Variants in ZNF534 observed in about 807,000 individuals in gnomAD.
ZNF534 encodes the protein zinc finger protein 534.
ZNF534 carries 19 observed loss-of-function variants against 13.6 expected under a neutral mutation model. The observed-to-expected ratio is 1.40, with a 90% CI of 0.97 to 2.05. ZNF534 has a LOEUF of 2.05. Among genes scored for constraint, ZNF534 ranks in the 30% most tolerant of loss-of-function variants. The pLI, the probability that ZNF534 is intolerant of heterozygous loss-of-function variation, is 0.00. For missense variants in ZNF534, 782 were observed against 796.3 expected (o/e 0.98, Z 0.22); for synonymous variants, 244 against 273.8 (o/e 0.89, Z 1.07).
At chr19:52,435,928 T>G (rs755857382) in intron 4 of ZNF534, among the ~76,000 whole-genome samples, 1 of 6,300 alleles carries the variant, frequency 1.6e-4, no homozygotes, top group East Asian at 1.5e-3. Flanking sequence ...TTTCTTATTT[T>G]TCTTCTTCTT....
intron 4 of ZNF534, among the ~76,000 whole-genome samples, chr19:52,449,537 TTA>T (rs1011869199): frequency 1.3e-4 from 3 of 23,464 alleles, no homozygotes; most frequent in South Asian, 8.5e-4. Flanking sequence ...CCAGCATTTG[TTA>T]TTTTTTTTTG....
rs1178981632 is a variant in ZNF534, at chr19:52,440,412, C to A, written c.*966C>A. On this transcript the variant is annotated 3_prime_UTR_variant, in exon 5 of 5. Coordinates refer to ENST00000433050, the MANE Select transcript of ZNF534 (RefSeq NM_001143938.3). ...ACATCTGGCACAACATTGGAAAATTCATACTGTAGATACCTTTTAAATGTA... is the reference window on the plus strand; with the variant it reads ...ACATCTGGCACAACATTGGAAAATTAATACTGTAGATACCTTTTAAATGTA... Among the ~76,000 whole-genome samples the A allele has an allele frequency of 1.3e-5, 2 of 152,202 alleles. No individual in the cohort carries two copies. The highest frequency in any genetic ancestry group is 6.5e-5 in the Admixed American group (1 of 15,274).
chr19:52,447,182 A>G (rs574845231), downstream of ZNF534, among the ~76,000 whole-genome samples: 27 of 152,126 alleles, frequency 1.8e-4, no homozygotes, highest in Non-Finnish European at 2.4e-4. Flanking sequence ...ACAAAATGTC[A>G]TCTCAAGATC....
In ZNF534 at chr19:52,439,772, AAAAAT is replaced by A. The variant is rs1030763900; in HGVS notation, c.*327_*331del. 7.2e-5 allele frequency among the ~76,000 whole-genome samples: 11 copies of A among 151,960 alleles called. No homozygotes were observed. Among genetic ancestry groups the A allele is most frequent in the Non-Finnish European group, 1.6e-4 (11 of 68,008 alleles). ...ACTCCATCTCAAAAAAAGAAAAAAA[AAAAAT>A]GAGTGAAGCTGCCAAGCATGGTGGC... On this transcript the variant is annotated 3_prime_UTR_variant, in exon 5 of 5. Transcript: ENST00000433050.
At position 52,437,989 on chromosome 19, in the gene ZNF534, CAG is replaced by C. The variant is rs765771500; in HGVS notation, c.531_532del (p.Lys178SerfsTer4). The C allele has an allele frequency of 1.9e-6, 3 of 1,614,078 alleles. No individual in the cohort carries two copies. ...TTTTTCTACATTACTCCCACAAGAA[CAG>C]AAAGTACACATTAGGGAAAAGCCTT... is the stretch of plus-strand genomic sequence containing the variant. ...FLFSTLLPQE[Q>X]KVHIREKPYG... On this transcript the variant is annotated frameshift_variant, in exon 5 of 5. Transcript: ENST00000433050. LOFTEE classifies it low-confidence loss of function (END_TRUNC).
At chr19:52,449,084 G>A (rs2059203877) in intron 4 of ZNF534, among the ~76,000 whole-genome samples, 2 of 152,008 alleles carry the variant, frequency 1.3e-5, no homozygotes, top group South Asian at 4.2e-4. Flanking sequence ...TCCCACATAC[G>A]AGTGAGAGTA....
At position 52,440,886 on chromosome 19, in the gene ZNF534, A is replaced by G. The variant is rs1290009959; in HGVS notation, c.*1440A>G. Reference sequence around the variant, plus strand: ...CTTAACTGTTCATTTTGTAATCCATAGTGGAGATAAGTCTTTTTTTTTTTT... The same window carrying G: ...CTTAACTGTTCATTTTGTAATCCATGGTGGAGATAAGTCTTTTTTTTTTTT... On this transcript the variant is annotated 3_prime_UTR_variant, in exon 5 of 5. Coordinates refer to ENST00000433050, the MANE Select transcript of ZNF534 (RefSeq NM_001143938.3). Among the ~76,000 whole-genome samples, 1 of 151,226 alleles carries G rather than the reference A, an allele frequency of 6.6e-6. No homozygotes were observed. The highest frequency in any genetic ancestry group is 1.5e-5 in the Non-Finnish European group (1 of 67,838).
rs1033587934 is a variant in ZNF534, at chr19:52,438,207, A to T, written c.747A>T (p.Lys249Asn). Residue 249 changes from lysine to asparagine, a missense_variant, in exon 5 of 5, where the codon AAA (lysine) becomes AAT (asparagine). This residue lies in a region of ZNF534 where 591 missense variants were observed against 574.0 expected (regional missense o/e 1.03). Transcript: ENST00000433050. The part of the protein sequence containing the change: ...EKPYKYNECG[K>N]VFNQNSHLAQ... The stretch of plus-strand genomic sequence containing the variant: ...CTTACAAATATAATGAATGTGGCAA[A>T]GTCTTCAATCAGAATTCACACCTTG... 1 of 1,613,810 alleles carries T rather than the reference A, an allele frequency of 6.2e-7. No homozygotes were observed. The highest frequency in any genetic ancestry group is 1.3e-5 in the African/African-American group (1 of 74,970).
chr19:52,451,629 T>C lies in ZNF534; in HGVS notation c.*132T>C. 5 of 646,670 alleles carry C rather than the reference T, an allele frequency of 7.7e-6. No homozygotes were observed. The Admixed American group carries it at 9.8e-5, about 13-fold the overall frequency. 40.1% of individuals were successfully genotyped at this position (646,670 alleles called of 1,614,324 possible). Reference sequence around the variant, plus strand: ...GCCTGTGATTACACACCACCACCTATGGAGAAGGCTCTTGTGAAAACGGAC... The same window carrying C: ...GCCTGTGATTACACACCACCACCTACGGAGAAGGCTCTTGTGAAAACGGAC... On this transcript the variant is annotated 3_prime_UTR_variant, in exon 5 of 5. Transcript: ENST00000301085.
intron 4 of ZNF534, among the ~76,000 whole-genome samples, chr19:52,449,181 G>A (rs2059204260): frequency 6.6e-6 from 1 of 152,082 alleles, no homozygotes; most frequent in Non-Finnish European, 1.5e-5. Context: ...CAAATGACAA[G>A]ATTTTATTCT....
intron 4 of ZNF534, among the ~76,000 whole-genome samples, chr19:52,447,608 T>C (rs2059198892): frequency 6.6e-6 from 1 of 151,700 alleles, no homozygotes; most frequent in South Asian, 2.1e-4. Flanking sequence ...GTTGTGTTTT[T>C]TTCTGCCTCT....
At chr19:52,437,106 A>G (rs2059133302) in intron 4 of ZNF534, among the ~76,000 whole-genome samples, 1 of 152,096 alleles carries the variant, frequency 6.6e-6, no homozygotes, top group African/African-American at 2.4e-5. Flanking sequence ...TTGTGAAAGT[A>G]CTATTACAAA....
chr19:52,438,060 C>G lies in ZNF534; in HGVS notation c.600C>G (p.Ser200Arg). The stretch of plus-strand genomic sequence containing the variant: ...GGAAAGTCTTCAGAGTGTCTTCAAG[C>G]CTTACTAACCGTCAAGTAATCCACA... ...EHGKVFRVSSSLTNRQVIHIA... is the reference protein window; with the variant it reads ...EHGKVFRVSSRLTNRQVIHIA... The change falls in exon 5 of 5, where the codon AGC (serine) becomes AGG (arginine). Residue 200 changes from serine to arginine, a missense_variant. Ser to Arg is a moderately radical substitution (Grantham distance 110). Coordinates refer to ENST00000433050, the MANE Select transcript of ZNF534 (RefSeq NM_001143938.3). 6.2e-7 allele frequency: 1 copy of G among 1,614,130 alleles called. No individual in the cohort carries two copies. Among genetic ancestry groups the G allele is most frequent in the African/African-American group, 1.3e-5 (1 of 75,034 alleles).
At chr19:52,446,819 T>C (rs1299888434), downstream of ZNF534, among the ~76,000 whole-genome samples, 3 of 152,148 alleles carry the variant, frequency 2.0e-5, no homozygotes, top group East Asian at 3.9e-4. Flanking sequence ...GATTGCACCA[T>C]TGTACTCCAG....
chr19:52,438,725 G>T lies in ZNF534; in HGVS notation c.1265G>T (p.Cys422Phe), dbSNP rs376112270. 4 of 1,590,478 alleles carry T rather than the reference G, an allele frequency of 2.5e-6. No homozygotes were observed. Among genetic ancestry groups the T allele is most frequent in the South Asian group, 1.1e-5 (1 of 88,842 alleles). Residue 422 changes from cysteine (C) to phenylalanine (F), a missense_variant, in exon 5 of 5, where the codon TGT (cysteine) becomes TTT (phenylalanine). This residue lies in a region of ZNF534 where 591 missense variants were observed against 574.0 expected (regional missense o/e 1.03). Coordinates refer to ENST00000433050, the MANE Select transcript of ZNF534 (RefSeq NM_001143938.3). Reference protein sequence around the residue: ...CNECGKAFRTCSDLTAHLLIH... With the variant: ...CNECGKAFRTFSDLTAHLLIH... Reference sequence around the variant, plus strand: ...GAATGTGGCAAAGCATTTAGAACGTGTTCAGATCTCACTGCCCATCTTCTA... The same window carrying T: ...GAATGTGGCAAAGCATTTAGAACGTTTTCAGATCTCACTGCCCATCTTCTA...
intron 1 of ZNF534, among the ~76,000 whole-genome samples, chr19:52,430,347 A>C (rs1452557511): frequency 6.6e-6 from 1 of 152,026 alleles, no homozygotes; most frequent in African/African-American, 2.4e-5. Context: ...TGCCAGTGAG[A>C]AGCTGTAACA....
rs1265092178 is a variant in ZNF534, at chr19:52,440,351, C to G, written c.*905C>G. 2.6e-5 allele frequency among the ~76,000 whole-genome samples: 4 copies of G among 152,186 alleles called. No individual in the cohort carries two copies. Among genetic ancestry groups the G allele is most frequent in the Non-Finnish European group, 4.4e-5 (3 of 68,038 alleles). ...CACAGAATCCATACTGGAGAGAAAC[C>G]TTACAAATGAATGACAGCATCTTCA... On this transcript the variant is annotated 3_prime_UTR_variant, in exon 5 of 5. Coordinates refer to ENST00000433050, the MANE Select transcript of ZNF534 (RefSeq NM_001143938.3).
At position 52,435,098 on chromosome 19, in the gene ZNF534, C is replaced by G; in HGVS notation, c.160C>G (p.Leu54Val). Residue 54 changes from leucine (L) to valine (V), a missense_variant, in exon 4 of 5, where the codon CTG (leucine) becomes GTG (valine). Physicochemically the swap from Leu to Val is conservative, Grantham distance 32. Around this residue, in one of 5 missense-constraint regions of ZNF534, gnomAD observed 81 missense variants for 63.5 expected, o/e 1.28. Coordinates refer to ENST00000433050, the MANE Select transcript of ZNF534 (RefSeq NM_001143938.3). ...GTAAGTAGGAATCTGTCTTCCTGACCTGAGTGTTACCTCCATGTTGGAGCA... is the reference window on the plus strand; with the variant it reads ...GTAAGTAGGAATCTGTCTTCCTGACGTGAGTGTTACCTCCATGTTGGAGCA... ...LVSLGICLPD[L>V]SVTSMLEQKR... 1 of 1,612,674 alleles carries G rather than the reference C, an allele frequency of 6.2e-7. No individual in the cohort carries two copies. The highest frequency in any genetic ancestry group is 8.5e-7 in the Non-Finnish European group (1 of 1,179,188).
intron 4 of ZNF534, among the ~76,000 whole-genome samples, chr19:52,447,508 C>T (rs957210273): frequency 1.3e-5 from 2 of 152,060 alleles, no homozygotes; most frequent in Non-Finnish European, 2.9e-5. Context: ...GACATTTTCC[C>T]TAAGGTATGT....
Sources: allele counts gnomAD v4.1 joint callset (sites outside exome capture counted in the v4.1 genomes callset), GRCh38; gene constraint gnomAD v4.1.1; regional missense constraint gnomAD v4.1.1; transcripts MANE v1.5; gene names NCBI Gene and HGNC (gene_info 2026-07-23, HGNC 2026-07-21).